The following IKZF3 variants were observed in gnomAD, a reference collection of about 807,000 sequenced individuals.
IKZF3 encodes the protein zinc finger protein Aiolos.
Under a neutral mutation model 49.0 loss-of-function variants are expected in IKZF3, and 10 were observed. The ratio of observed to expected loss-of-function variants is 0.20; its 90% CI spans 0.13 to 0.35. The LOEUF (loss-of-function observed/expected upper bound fraction) is 0.35. Among genes scored for constraint, IKZF3 ranks in the 10% least tolerant of loss-of-function variants. The probability of loss-of-function intolerance (pLI) is 1.00; values close to 1 mark genes in which losing one functional copy is unlikely to be tolerated. For missense variants in IKZF3, 498 were observed against 664.8 expected, an observed-to-expected ratio of 0.75 and a Z score of 2.76; for synonymous variants, 209 against 228.2, an observed-to-expected ratio of 0.92 and a Z score of 0.76.
At chr17:39,864,090 C>G in intron 1 of IKZF3, 30 bp downstream of exon 1, 1 of 1,612,974 alleles carries the variant, frequency 6.2e-7, no homozygotes, top group Non-Finnish European at 8.5e-7. Context: ...CTCAAAGACC[C>G]CGGAGAAAAG....
intron 2 of IKZF3, 90 bp from the exon 3 acceptor site, chr17:39,829,578 C>A: frequency 1.2e-6 from 1 of 848,830 alleles, no homozygotes; most frequent in South Asian, 1.6e-5. Flanking sequence ...TAACTTTCAG[C>A]TTCACACAAT....
chr17:39,798,182 C>T (rs1428834117), intron 3 of IKZF3, among the ~76,000 whole-genome samples: 4 of 152,170 alleles, frequency 2.6e-5, no homozygotes, highest in African/African-American at 7.2e-5. Flanking sequence ...CTGTAGCCCC[C>T]GCACTGTTCT....
intron 3 of IKZF3, among the ~76,000 whole-genome samples, chr17:39,827,643 T>C (rs1299556251): frequency 6.6e-6 from 1 of 152,142 alleles, no homozygotes; most frequent in African/African-American, 2.4e-5. Context: ...ACACAGACTC[T>C]GGAAGGGGCT....
chr17:39,852,961 A>G (rs2062923246), intron 1 of IKZF3, among the ~76,000 whole-genome samples: 1 of 151,920 alleles, frequency 6.6e-6, no homozygotes. Flanking sequence ...ACAGAGTGAG[A>G]CTACATCTCA....
Position 39,864,265 on chromosome 17 carries a change from C to T in IKZF3, c.-139G>A, listed in dbSNP as rs2063300410. ...CCCCGGGATCCGGCAGCCGCGTCGG[C>T]GCAGACTGAAAAGGGCAGGAGCCGG... On this transcript the variant is annotated 5_prime_UTR_variant, in exon 1 of 8. Transcript: ENST00000346872. The T allele has an allele frequency of 4.1e-6, 4 of 985,466 alleles. No homozygotes were observed. The East Asian group carries it at 1.1e-4, about 27-fold the overall frequency. 61.0% of individuals were successfully genotyped at this position (985,466 alleles called of 1,614,324 possible).
intron 1 of IKZF3, among the ~76,000 whole-genome samples, chr17:39,853,611 G>A (rs1191988803): frequency 6.6e-6 from 1 of 152,102 alleles, no homozygotes; most frequent in Admixed American, 6.6e-5. Flanking sequence ...CAAGGCAGGT[G>A]GATCACCTGA....
intron 1 of IKZF3, among the ~76,000 whole-genome samples, chr17:39,859,674 C>G (rs186994177): frequency 7.2e-5 from 11 of 152,272 alleles, no homozygotes; most frequent in Middle Eastern, 3.4e-3. Context: ...CAGGCGTGAG[C>G]CACCACTCCT....
At chr17:39,847,024 C>A (rs1255670310) in intron 1 of IKZF3, among the ~76,000 whole-genome samples, 1 of 152,020 alleles carries the variant, frequency 6.6e-6, no homozygotes, top group Admixed American at 6.6e-5. Context: ...ATACCCATAC[C>A]TCTTTTTTAA....
intron 7 of IKZF3, among the ~76,000 whole-genome samples, chr17:39,774,223 G>A (rs879763768): frequency 6.6e-6 from 1 of 152,132 alleles, no homozygotes; most frequent in Non-Finnish European, 1.5e-5. Flanking sequence ...AGGCTGGTCT[G>A]AGTGCTGTGC....
rs997278601 is a variant in IKZF3 at position 39,759,646 on chromosome 17, C to T, written c.*6144G>A. Reference sequence around the variant, plus strand: ...AAGGGTCAGGAGTCCTGAACCCTGGCTTATTCTCAGAACCATTCAGTCGTG... The same window carrying T: ...AAGGGTCAGGAGTCCTGAACCCTGGTTTATTCTCAGAACCATTCAGTCGTG... On this transcript the variant is annotated 3_prime_UTR_variant, in exon 8 of 8. Coordinates refer to ENST00000346872, the MANE Select transcript of IKZF3 (RefSeq NM_012481.5). 2 of 152,216 alleles carry T rather than the reference C, an allele frequency of 1.3e-5. No homozygotes were observed. The highest frequency in any genetic ancestry group is 3.8e-4 in the East Asian group (2 of 5,202). 9.4% of individuals were successfully genotyped at this position (152,216 alleles called of 1,614,324 possible).
chr17:39,806,498 C>G (rs550937785), intron 3 of IKZF3, among the ~76,000 whole-genome samples: 9 of 152,264 alleles, frequency 5.9e-5, no homozygotes, highest in Non-Finnish European at 1.3e-4. Context: ...TGCTCATCAT[C>G]CTCAGTCATT....
At chr17:39,820,771 G>A (rs747022822) in intron 3 of IKZF3, among the ~76,000 whole-genome samples, 8 of 152,190 alleles carry the variant, frequency 5.3e-5, no homozygotes, top group Non-Finnish European at 1.0e-4. Context: ...ACAGCCTCAG[G>A]ATGGAGCTGT....
intron 3 of IKZF3, among the ~76,000 whole-genome samples, chr17:39,802,070 A>G (rs1567997259): frequency 1.3e-5 from 2 of 151,742 alleles, no homozygotes; most frequent in Admixed American, 1.3e-4. Context: ...AAAATATAAA[A>G]AATTAGCCGG....
intron 3 of IKZF3, among the ~76,000 whole-genome samples, chr17:39,813,026 C>T (rs2061597277): frequency 6.6e-6 from 1 of 151,932 alleles, no homozygotes; most frequent in Admixed American, 6.6e-5. Context: ...GGCGTGAACC[C>T]GGGAGGTGGA....
In IKZF3 at chr17:39,775,198, A is replaced by T. The variant is rs140936236; in HGVS notation, c.826+2453T>A. On this transcript the variant is annotated intron_variant, in intron 7 of 7. Coordinates refer to ENST00000346872, the MANE Select transcript of IKZF3 (RefSeq NM_012481.5). Reference sequence around the variant, plus strand: ...ACTCTTCTTATTGCACTACAACACAACTTACGAAAAAAAAAAAAAATTCCC... The same window carrying T: ...ACTCTTCTTATTGCACTACAACACATCTTACGAAAAAAAAAAAAAATTCCC... Among the ~76,000 whole-genome samples, 1,028 of 150,790 alleles carry T rather than the reference A, an allele frequency of 6.8e-3. 13 individuals are homozygous for T. The highest frequency in any genetic ancestry group is 0.024 in the African/African-American group (984 of 40,954).
rs1223393384 is a variant in IKZF3, at chr17:39,760,555, C to T, written c.*5235G>A. 1 of 152,348 alleles carries T rather than the reference C, an allele frequency of 6.6e-6. No homozygotes were observed. Among genetic ancestry groups the T allele is most frequent in the Non-Finnish European group, 1.5e-5 (1 of 68,150 alleles). 9.4% of individuals were successfully genotyped at this position (152,348 alleles called of 1,614,324 possible). A position where few individuals can be genotyped will look rare whatever the true frequency, so the allele number is the denominator to read the frequency against. On this transcript the variant is annotated 3_prime_UTR_variant, in exon 8 of 8. Coordinates refer to ENST00000346872, the MANE Select transcript of IKZF3 (RefSeq NM_012481.5). ...GTCAGGCTGGTCTCGAACTCCCAAA[C>T]TCAGGTGATCCGCCCGCCTTGGCCT...
At chr17:39,787,537 C>T (rs997015728) in intron 6 of IKZF3, among the ~76,000 whole-genome samples, 2 of 152,178 alleles carry the variant, frequency 1.3e-5, no homozygotes, top group Non-Finnish European at 2.9e-5. Context: ...TTTTTGTAAA[C>T]GACAACTCCA....
intron 3 of IKZF3, among the ~76,000 whole-genome samples, chr17:39,818,618 G>A (rs991724065): frequency 6.6e-6 from 1 of 152,160 alleles, no homozygotes; most frequent in African/African-American, 2.4e-5. Flanking sequence ...GGGAGGCTGA[G>A]GTGGGCAGAT....
chr17:39,764,350 A>C lies in IKZF3; in HGVS notation c.*1440T>G, dbSNP rs1046267134. 1 of 151,804 alleles carries C rather than the reference A, an allele frequency of 6.6e-6. No homozygotes were observed. Among genetic ancestry groups the C allele is most frequent in the African/African-American group, 2.4e-5 (1 of 41,276 alleles). The allele number at this position is 151,804 out of a possible 1,614,324, so 9.4% of individuals were successfully genotyped here. A position where few individuals can be genotyped will look rare whatever the true frequency, so the allele number is the denominator to read the frequency against. On this transcript the variant is annotated 3_prime_UTR_variant, in exon 8 of 8. Coordinates refer to ENST00000346872, the MANE Select transcript of IKZF3 (RefSeq NM_012481.5). ...CATGGTGGTGTGCACTTGTTGTCCC[A>C]GTACTCAAGAGGCTGAGGTGGGAGG...
Sources: gnomAD v4.1 joint callset for allele counts (sites outside exome capture counted in the v4.1 genomes callset) on GRCh38, gnomAD v4.1.1 for gene constraint, MANE v1.5 for transcripts, NCBI Gene and HGNC (gene_info 2026-07-23, HGNC 2026-07-21) for gene names.